DDAH1: variants seen among roughly 807,000 people sequenced by gnomAD.
DDAH1 encodes the protein dimethylarginine dimethylaminohydrolase 1.
In DDAH1, 19 loss-of-function variants were observed where a neutral mutation model predicts 28.8. The ratio of observed to expected loss-of-function variants is 0.66; its 90% confidence interval spans 0.46 to 0.97. DDAH1 has a LOEUF of 0.97. Ranked by LOEUF, DDAH1 falls within the 50% of genes least tolerant of loss-of-function variation. The probability of loss-of-function intolerance (pLI) is 0.00; values close to 1 mark genes in which losing one functional copy is unlikely to be tolerated. For missense variants in DDAH1, 326 were observed against 375.9 expected (o/e 0.87, Z 1.10); for synonymous variants, 153 against 154.4 (o/e 0.99, Z 0.07).
intron 1 of DDAH1, among the ~76,000 whole-genome samples, chr1:85,391,842 A>G (rs1651565111): frequency 6.6e-6 from 1 of 152,230 alleles, no homozygotes; most frequent in African/African-American, 2.4e-5. Flanking sequence ...AGACTGCCCC[A>G]AATATTTCCA....
At chr1:85,504,366 A>G (rs948426056) in intron 1 of DDAH1, among the ~76,000 whole-genome samples, 5 of 152,202 alleles carry the variant, frequency 3.3e-5, no homozygotes, top group African/African-American at 1.2e-4. Context: ...TAACTTATTG[A>G]GTCAATAAAA....
chr1:85,357,245 GTTC>G (rs971001410), intron 2 of DDAH1, among the ~76,000 whole-genome samples: 42 of 152,266 alleles, frequency 2.8e-4, no homozygotes, highest in African/African-American at 1.0e-3. Context: ...CTTGTTCTGT[GTTC>G]TTAGGGTTCA....
At chr1:85,554,760 AT>A (rs931266930) in intron 1 of DDAH1, among the ~76,000 whole-genome samples, 1 of 152,228 alleles carries the variant, frequency 6.6e-6, no homozygotes, top group African/African-American at 2.4e-5. Flanking sequence ...ATGAAGACTG[AT>A]TGCTCAACAA....
intron 1 of DDAH1, among the ~76,000 whole-genome samples, chr1:85,530,121 C>G (rs551544829): frequency 6.6e-6 from 1 of 152,152 alleles, no homozygotes; most frequent in African/African-American, 2.4e-5. Context: ...TCCTCCAAAC[C>G]TTTTGCAACA....
chr1:85,418,798 C>G (rs537311148), intron 1 of DDAH1, among the ~76,000 whole-genome samples: 1 of 152,290 alleles, frequency 6.6e-6, no homozygotes, highest in African/African-American at 2.4e-5. Flanking sequence ...AACAGGAACA[C>G]TATCTTGCCA....
intron 1 of DDAH1, among the ~76,000 whole-genome samples, chr1:85,435,962 G>T (rs2056564): frequency 0.99 from 148,591 of 150,342 alleles, 73,451 homozygotes; most frequent in Non-Finnish European, 1. Flanking sequence ...GGCTAATTTT[G>T]TGTGTGTGTG....
At chr1:85,370,947 A>C (rs894421837) in intron 1 of DDAH1, among the ~76,000 whole-genome samples, 1 of 152,198 alleles carries the variant, frequency 6.6e-6, no homozygotes, top group African/African-American at 2.4e-5. Flanking sequence ...ATGATACAAA[A>C]AGTTACTTAA....
chr1:85,450,738 C>T (rs1226514777), intron 1 of DDAH1, among the ~76,000 whole-genome samples: 3 of 152,144 alleles, frequency 2.0e-5, no homozygotes, highest in Non-Finnish European at 4.4e-5. Context: ...AGAAGTGGAA[C>T]TGAGACTCAA....
At chr1:85,419,540 TAAA>T (rs141947699) in intron 1 of DDAH1, among the ~76,000 whole-genome samples, 45 of 81,508 alleles carry the variant, frequency 5.5e-4, no homozygotes, top group African/African-American at 2.0e-3. Flanking sequence ...AACTCCATCT[TAAA>T]AAAAAAAAAA....
chr1:85,419,496 C>T (rs140020757), intron 1 of DDAH1, among the ~76,000 whole-genome samples: 5,621 of 130,770 alleles, frequency 0.043, 375 homozygotes, highest in African/African-American at 0.15. Context: ...GCCAAGATCA[C>T]ACCATTGCAT....
chr1:85,433,819 G>T (rs1189602923), intron 1 of DDAH1, among the ~76,000 whole-genome samples: 1 of 152,012 alleles, frequency 6.6e-6, no homozygotes, highest in African/African-American at 2.4e-5. Context: ...TTAAACTTAA[G>T]ATACAAATAA....
At chr1:85,538,370 C>G (rs1314662063) in intron 1 of DDAH1, among the ~76,000 whole-genome samples, 2 of 152,180 alleles carry the variant, frequency 1.3e-5, no homozygotes, top group African/African-American at 4.8e-5. Flanking sequence ...TGAGAGGTGG[C>G]AGCACCTTTT....
chr1:85,497,331 C>CA (rs1656635964), intron 1 of DDAH1, among the ~76,000 whole-genome samples: 1 of 152,166 alleles, frequency 6.6e-6, no homozygotes, highest in Non-Finnish European at 1.5e-5. Flanking sequence ...GCTGGTGACC[C>CA]AAAAAGCCAT....
chr1:85,448,604 C>T (rs1246604802), intron 1 of DDAH1, among the ~76,000 whole-genome samples: 1 of 152,134 alleles, frequency 6.6e-6, no homozygotes, highest in Non-Finnish European at 1.5e-5. Flanking sequence ...AGCTCTAATT[C>T]CCCTATGGTT....
At chr1:85,509,349 A>T (rs955624475) in intron 1 of DDAH1, among the ~76,000 whole-genome samples, 1 of 152,238 alleles carries the variant, frequency 6.6e-6, no homozygotes, top group East Asian at 1.9e-4. Flanking sequence ...GGTCACCAAC[A>T]TCAAACACCA....
At chr1:85,405,264 G>A (rs745933080) in intron 1 of DDAH1, among the ~76,000 whole-genome samples, 12 of 152,098 alleles carry the variant, frequency 7.9e-5, no homozygotes, top group Admixed American at 2.6e-4. Flanking sequence ...AAATATTACC[G>A]AAAAGAAATA....
chr1:85,408,598 A>C (rs1292284819), intron 1 of DDAH1, among the ~76,000 whole-genome samples: 1 of 152,210 alleles, frequency 6.6e-6, no homozygotes, highest in Non-Finnish European at 1.5e-5. Flanking sequence ...AGTATGTCAC[A>C]GTGTTAGCTT....
At chr1:85,368,578 C>T (rs760382609) in intron 1 of DDAH1, among the ~76,000 whole-genome samples, 16 of 152,080 alleles carry the variant, frequency 1.1e-4, no homozygotes, top group South Asian at 6.2e-4. Flanking sequence ...TCCTTGTTGA[C>T]GATAATGATA....
At chr1:85,447,693 T>C (rs559910099) in intron 1 of DDAH1, 27 of 152,298 alleles carry the variant, frequency 1.8e-4, no homozygotes, top group African/African-American at 5.8e-4. Flanking sequence ...TTGCCAAAGA[T>C]TCAAATGGAG....
Sources: allele counts gnomAD v4.1 joint callset (sites outside exome capture counted in the v4.1 genomes callset), GRCh38; gene constraint gnomAD v4.1.1; transcripts MANE v1.5; gene names NCBI Gene and HGNC (gene_info 2026-07-23, HGNC 2026-07-21).